The following ZNF418 variants were observed in gnomAD, a reference collection of about 807,000 sequenced individuals.
ZNF418 encodes zinc finger protein 418.
A neutral mutation model predicts 32.0 loss-of-function variants in ZNF418; 32 were observed. That is an observed-to-expected ratio of 1.00 (90% CI 0.75 to 1.34). The LOEUF (loss-of-function observed/expected upper bound fraction) is 1.34, where lower values mean the gene tolerates loss of function less well. Among genes scored for constraint, ZNF418 ranks in the 40% most tolerant of loss-of-function variants. ZNF418 has a pLI of 0.00. For missense variants in ZNF418, 804 were observed against 812.5 expected (o/e 0.99, Z 0.13); for synonymous variants, 276 against 270.7 (o/e 1.02, Z -0.19).
chr19:57,926,770 C>T lies in ZNF418; in HGVS notation c.1411G>A (p.Glu471Lys), dbSNP rs199659562. The change falls in exon 4 of 6, where the codon GAA (glutamate) becomes AAA (lysine). Residue 471 changes from glutamate to lysine, a missense_variant. Glu to Lys is a moderately conservative substitution (Grantham distance 56). Coordinates refer to ENST00000396147, the MANE Select transcript of ZNF418 (RefSeq NM_133460.3). ...KLFRGKSHLIEHQRVHTGERP... is the reference protein window; with the variant it reads ...KLFRGKSHLIKHQRVHTGERP... ...TCTCCAGTGTGAACTCTCTGGTGTT[C>T]AATGAGGTGGGACTTGCCCCTAAAT... 1.1e-4 allele frequency: 170 copies of T among 1,613,678 alleles called. No homozygotes were observed. Among genetic ancestry groups the T allele is most frequent in the Admixed American group, 2.0e-4 (12 of 59,982 alleles).
chr19:57,923,171 C>G (rs935785609), intron 5 of ZNF418, 21 bp downstream of exon 5: 2 of 151,838 alleles, frequency 1.3e-5, no homozygotes, highest in African/African-American at 4.8e-5. Context: ...CATGGTGGTG[C>G]ATGCCTGTAA....
rs1427120266 is a variant in ZNF418 at position 57,930,469 on chromosome 19, T to C, written c.92A>G (p.His31Arg). The C allele has an allele frequency of 9.3e-6, 15 of 1,614,148 alleles. No homozygotes were observed. Among genetic ancestry groups the C allele is most frequent in the Non-Finnish European group, 1.2e-5 (14 of 1,180,026 alleles). The change falls in exon 3 of 6, where the codon CAT (histidine) becomes CGT (arginine). Residue 31 changes from histidine (H) to arginine (R), a missense_variant. Coordinates refer to ENST00000396147, the MANE Select transcript of ZNF418 (RefSeq NM_133460.3). Reference sequence around the variant, plus strand: ...TACCCAGTTCTCCAGCATCACGTCATGGTAAAGGCATCTCTGAACCTCACT... The same window carrying C: ...TACCCAGTTCTCCAGCATCACGTCACGGTAAAGGCATCTCTGAACCTCACT... ...LLSEVQRCLYHDVMLENWVLI... is the reference protein window; with the variant it reads ...LLSEVQRCLYRDVMLENWVLI...
intron 4 of ZNF418, among the ~76,000 whole-genome samples, chr19:57,923,559 CACACACATATAT>C (rs1414388198): frequency 1.4e-5 from 2 of 141,564 alleles, no homozygotes; most frequent in African/African-American, 5.0e-5. Context: ...CACACACACA[CACACACATATAT>C]ACACATATAT....
chr19:57,923,493 TATAC>T (rs888472779), intron 4 of ZNF418, among the ~76,000 whole-genome samples: 67 of 150,660 alleles, frequency 4.4e-4, no homozygotes, highest in African/African-American at 1.5e-3. Flanking sequence ...CATACATGTA[TATAC>T]ATATATACAC....
Position 57,926,087 on chromosome 19 carries a change from G to A in ZNF418, c.*63C>T, listed in dbSNP as rs1470101124. 7.1e-7 allele frequency: 1 copy of A among 1,408,128 alleles called. No individual in the cohort carries two copies. The highest frequency in any genetic ancestry group is 9.8e-7 in the Non-Finnish European group (1 of 1,023,028). The allele number at this position is 1,408,128 out of a possible 1,614,324, so 87.2% of individuals were successfully genotyped here. On this transcript the variant is annotated 3_prime_UTR_variant, in exon 4 of 6. Coordinates refer to ENST00000396147, the MANE Select transcript of ZNF418 (RefSeq NM_133460.3). ...GTCACACTCATAAGGTCCTGATCCA[G>A]TAAGAACCCTCTGATCAAGAAGATG... is the stretch of plus-strand genomic sequence containing the variant.
rs1329614333 is a variant in ZNF418, at chr19:57,926,991, G to T, written c.1190C>A (p.Pro397His). The change falls in exon 4 of 6, where the codon CCT becomes CAT. Residue 397 changes from proline to histidine, a missense_variant. Around this residue, in one of 3 missense-constraint regions of ZNF418, gnomAD observed 475 missense variants for 458.6 expected, o/e 1.04. Coordinates refer to ENST00000396147, the MANE Select transcript of ZNF418 (RefSeq NM_133460.3). ...EHHRVHTRER[P>H]YECGECGKSF... ...TTTCCCACATTCTCCACACTCATAA[G>T]GTCGTTCTCTAGTGTGAACTCGATG... is the stretch of plus-strand genomic sequence containing the variant. The T allele has an allele frequency of 8.7e-6, 14 of 1,614,150 alleles. No individual in the cohort carries two copies. The highest frequency in any genetic ancestry group is 9.3e-6 in the Non-Finnish European group (11 of 1,180,034).
chr19:57,927,715 C>G lies in ZNF418; in HGVS notation c.466G>C (p.Glu156Gln). ...FVKRCKFHVS[E>Q]ESSIFIQSGK... ...CTCTGAATGAAGATAGATGACTCCT[C>G]TGACACATGGAACTTACACCTCTTC... is the stretch of plus-strand genomic sequence containing the variant. The change falls in exon 4 of 6, where the codon GAG becomes CAG. Residue 156 changes from glutamate (E) to glutamine (Q), a missense_variant. Around this residue, in one of 3 missense-constraint regions of ZNF418, gnomAD observed 307 missense variants for 304.9 expected, o/e 1.01. Coordinates refer to ENST00000396147, the MANE Select transcript of ZNF418 (RefSeq NM_133460.3). 2 of 1,614,244 alleles carry G rather than the reference C, an allele frequency of 1.2e-6. No homozygotes were observed. The highest frequency in any genetic ancestry group is 2.2e-5 in the East Asian group (1 of 44,888).
Position 57,927,855 on chromosome 19 carries a change from AG to A in ZNF418, c.325del (p.Leu109CysfsTer39). ...DHQGTHHKQK[L>X]HRCEAWGNKL... ...ATTCCCCCATGCCTCACACCTGTGC[AG>A]TTTCTGCTTGTGATGTGTCCCCTGA... On this transcript the variant is annotated frameshift_variant, in exon 4 of 6. Transcript: ENST00000396147. LOFTEE classifies it high-confidence loss of function. The A allele has an allele frequency of 6.2e-7, 1 of 1,614,040 alleles. No homozygotes were observed. The highest frequency in any genetic ancestry group is 8.5e-7 in the Non-Finnish European group (1 of 1,179,966).
intron 1 of ZNF418, chr19:57,934,310 G>GT (rs773514621): frequency 1.4e-6 from 1 of 715,724 alleles, no homozygotes; most frequent in Non-Finnish European, 1.7e-6. Flanking sequence ...TGCCTCCCGA[G>GT]TTCAAGCAAT....
rs2122752333 is a variant in ZNF418, at chr19:57,926,161, G to A, written c.2020C>T (p.Pro674Ser). The change falls in exon 4 of 6, where the codon CCT becomes TCT. Residue 674 changes from proline (P) to serine (S), a missense_variant. Pro to Ser is a moderately conservative substitution (Grantham distance 74, BLOSUM62 -1). This residue lies in a region of ZNF418 where 475 missense variants were observed against 458.6 expected (regional missense o/e 1.04). Coordinates refer to ENST00000396147, the MANE Select transcript of ZNF418 (RefSeq NM_133460.3). The stretch of plus-strand genomic sequence containing the variant: ...TCCCAAATTTCTTTTCACTTGTAAG[G>A]ACTTCTTTCTGTGTGAACTCTCTGA... ...RHQRVHTERS[P>S]YK is the part of the protein sequence containing the mutation. 6.2e-7 allele frequency: 1 copy of A among 1,609,614 alleles called. No homozygotes were observed. Among genetic ancestry groups the A allele is most frequent in the Non-Finnish European group, 8.5e-7 (1 of 1,177,254 alleles).
At chr19:57,932,430 C>T in intron 2 of ZNF418, 1 of 1,535,238 alleles carries the variant, frequency 6.5e-7, no homozygotes, top group South Asian at 1.2e-5. Flanking sequence ...CCAATATTAC[C>T]ACAGAATTCT....
intron 2 of ZNF418, chr19:57,932,425 A>G: frequency 1.3e-6 from 2 of 1,535,084 alleles, no homozygotes; most frequent in Non-Finnish European, 1.7e-6. Context: ...AGGATCCAAT[A>G]TTACCACAGA....
chr19:57,926,241 T>C lies in ZNF418; in HGVS notation c.1940A>G (p.Tyr647Cys). 1 of 1,613,916 alleles carries C rather than the reference T, an allele frequency of 6.2e-7. No homozygotes were observed. Among genetic ancestry groups the C allele is most frequent in the Non-Finnish European group, 8.5e-7 (1 of 1,179,894 alleles). ...HRRVHTGERPYECSECGKSFH... is the reference protein window; with the variant it reads ...HRRVHTGERPCECSECGKSFH... ...TGATTTTCCACATTCACTGCACTCATAAGGCCTTTCTCCAGTGTGTACTCT... is the reference window on the plus strand; with the variant it reads ...TGATTTTCCACATTCACTGCACTCACAAGGCCTTTCTCCAGTGTGTACTCT... The change falls in exon 4 of 6, where the codon TAT (tyrosine) becomes TGT (cysteine). Residue 647 changes from tyrosine (Y) to cysteine (C), a missense_variant. By Grantham distance (194) the Tyr-to-Cys change is radical. This residue lies in a region of ZNF418 where 475 missense variants were observed against 458.6 expected (regional missense o/e 1.04). Coordinates refer to ENST00000396147, the MANE Select transcript of ZNF418 (RefSeq NM_133460.3).
intron 2 of ZNF418, chr19:57,932,539 T>A: frequency 6.5e-7 from 1 of 1,535,250 alleles, no homozygotes; most frequent in Non-Finnish European, 8.7e-7. Flanking sequence ...TAGATATCCA[T>A]GGCCCTATTC....
chr19:57,922,863 G>A (rs530429515), intron 5 of ZNF418, among the ~76,000 whole-genome samples: 2 of 152,112 alleles, frequency 1.3e-5, no homozygotes, highest in South Asian at 2.1e-4. Context: ...TTAGCTGTGC[G>A]TGGTGGCACA....
intron 4 of ZNF418, among the ~76,000 whole-genome samples, chr19:57,925,378 G>A (rs1053402781): frequency 7.3e-4 from 111 of 151,780 alleles, no homozygotes; most frequent in Admixed American, 3.0e-3. Flanking sequence ...GGAGAATGGC[G>A]TGAACCCGGG....
intron 2 of ZNF418, among the ~76,000 whole-genome samples, chr19:57,933,581 C>T (rs1221353094): frequency 4.6e-5 from 7 of 152,144 alleles, no homozygotes; most frequent in Admixed American, 4.6e-4. Flanking sequence ...ATTAGCTGAG[C>T]ATGGTGACGG....
At chr19:57,930,780 G>T (rs1254881134) in intron 2 of ZNF418, among the ~76,000 whole-genome samples, 1 of 151,960 alleles carries the variant, frequency 6.6e-6, no homozygotes, top group African/African-American at 2.4e-5. Flanking sequence ...TGCTGTGCTT[G>T]TTTTTTTGTT....
chr19:57,934,775 G>A (rs983716341), intron 1 of ZNF418: 3 of 264,152 alleles, frequency 1.1e-5, no homozygotes, highest in African/African-American at 4.5e-5. Context: ...TGGCCTTTGG[G>A]AAACCTTAAA....
Sources: allele counts gnomAD v4.1 joint callset (sites outside exome capture counted in the v4.1 genomes callset), GRCh38; gene constraint gnomAD v4.1.1; regional missense constraint gnomAD v4.1.1; transcripts MANE v1.5; gene names NCBI Gene and HGNC (gene_info 2026-07-23, HGNC 2026-07-21).